Variants in LAMA2 observed in about 807,000 individuals in gnomAD.
LAMA2 encodes laminin subunit alpha 2.
LAMA2 carries 269 observed loss-of-function variants against 364.8 expected under a neutral mutation model. That is an observed-to-expected ratio of 0.74 (90% CI 0.67 to 0.82). The LOEUF is 0.82. Among genes scored for constraint, LAMA2 ranks in the 40% least tolerant of loss-of-function variants. The probability of loss-of-function intolerance (pLI) is 0.00; values close to 1 mark genes in which losing one functional copy is unlikely to be tolerated. For synonymous variants in LAMA2, 1,379 were observed against 1,370.6 expected (o/e 1.01, Z -0.14); for missense variants, 3,807 against 3,873.2 (o/e 0.98, Z 0.45).
intron 1 of LAMA2, among the ~76,000 whole-genome samples, chr6:128,987,752 C>A (rs555282280): frequency 1.3e-5 from 2 of 152,260 alleles, no homozygotes; most frequent in African/African-American, 4.8e-5. Context: ...TCACTTGTTT[C>A]ACCTTAGACA....
At chr6:128,918,152 G>T (rs909164487) in intron 1 of LAMA2, among the ~76,000 whole-genome samples, 1 of 152,136 alleles carries the variant, frequency 6.6e-6, no homozygotes, top group Non-Finnish European at 1.5e-5. Flanking sequence ...CTGTGTGTGA[G>T]TGAAAGATTT....
At chr6:129,284,072 TC>T (rs1788924848) in intron 18 of LAMA2, among the ~76,000 whole-genome samples, 1 of 152,168 alleles carries the variant, frequency 6.6e-6, no homozygotes, top group African/African-American at 2.4e-5. Context: ...GTTTACTTTT[TC>T]TGCATATGTC....
intron 18 of LAMA2, among the ~76,000 whole-genome samples, chr6:129,283,349 T>G (rs1788867469): frequency 6.6e-6 from 1 of 152,108 alleles, no homozygotes; most frequent in Admixed American, 6.6e-5. Flanking sequence ...GATACCTGCC[T>G]GATCGGACAC....
intron 1 of LAMA2, among the ~76,000 whole-genome samples, chr6:128,968,750 G>A (rs1334386328): frequency 1.3e-5 from 2 of 152,102 alleles, no homozygotes; most frequent in Non-Finnish European, 2.9e-5. Flanking sequence ...GGGCAGCCAG[G>A]GTAAGGGCAG....
intron 4 of LAMA2, among the ~76,000 whole-genome samples, chr6:129,142,442 T>G (rs1040542454): frequency 6.6e-6 from 1 of 151,336 alleles, no homozygotes; most frequent in African/African-American, 2.5e-5. Flanking sequence ...TCAGGAGGGC[T>G]CCACCCTCAG....
In LAMA2 at chr6:128,906,830, A is replaced by T. The variant is rs1431357605; in HGVS notation, c.112+23473A>T. Among the ~76,000 whole-genome samples the T allele has an allele frequency of 3.3e-5, 5 of 150,270 alleles. No homozygotes were observed. The East Asian group carries it at 8.0e-4, about 24-fold the overall frequency. ...TTTTTGTATAAGGTGTAAGGAAGGG[A>T]TCCAGTTTCAGCTTTCTACATATGG... On this transcript the variant is annotated intron_variant, in intron 1 of 64. Coordinates refer to ENST00000421865, the MANE Select transcript of LAMA2 (RefSeq NM_000426.4).
chr6:129,154,060 A>C (rs758464965), intron 7 of LAMA2, among the ~76,000 whole-genome samples: 36 of 152,204 alleles, frequency 2.4e-4, no homozygotes, highest in Non-Finnish European at 4.7e-4. Flanking sequence ...CCTCCAATAC[A>C]TCCAGATACT....
intron 51 of LAMA2, among the ~76,000 whole-genome samples, chr6:129,470,400 A>G (rs1172338237): frequency 7.2e-5 from 11 of 151,946 alleles, no homozygotes; most frequent in African/African-American, 2.4e-4. Context: ...GCATACATAC[A>G]TTTAAGTCAT....
chr6:129,370,082 C>T, intron 34 of LAMA2, 92 bp downstream of exon 34: 1 of 976,778 alleles, frequency 1.0e-6, no homozygotes, highest in Non-Finnish European at 1.6e-6. Flanking sequence ...AAATCACCTT[C>T]TTCCTAATTC....
At chr6:129,370,595 G>C (rs1358983336) in intron 34 of LAMA2, among the ~76,000 whole-genome samples, 2 of 152,190 alleles carry the variant, frequency 1.3e-5, no homozygotes, top group Admixed American at 1.3e-4. Context: ...CATAAAGCCC[G>C]CCATCTTGTG....
chr6:129,238,066 G>A (rs148343999), intron 12 of LAMA2, among the ~76,000 whole-genome samples: 1,652 of 150,696 alleles, frequency 0.011, 30 homozygotes, highest in African/African-American at 0.038. Context: ...TTGGGAGGCT[G>A]AGGCATGAGA....
At chr6:129,054,884 A>G (rs1171222409) in intron 2 of LAMA2, among the ~76,000 whole-genome samples, 5 of 150,722 alleles carry the variant, frequency 3.3e-5, no homozygotes, top group Admixed American at 3.3e-4. Context: ...TCTCCACTCA[A>G]TTATTTTTAT....
intron 45 of LAMA2, among the ~76,000 whole-genome samples, chr6:129,452,756 A>G (rs1376397113): frequency 9.2e-5 from 14 of 152,214 alleles, no homozygotes; most frequent in Non-Finnish European, 1.3e-4. Context: ...TAGTATGCTA[A>G]CAAGACATGG....
chr6:129,290,981 T>C (rs1258588927), intron 19 of LAMA2, among the ~76,000 whole-genome samples: 1 of 152,152 alleles, frequency 6.6e-6, no homozygotes, highest in African/African-American at 2.4e-5. Context: ...AAGGCATAAA[T>C]ATTTCACCTC....
At chr6:128,885,270 C>T (rs1776081919) in intron 1 of LAMA2, among the ~76,000 whole-genome samples, 1 of 152,064 alleles carries the variant, frequency 6.6e-6, no homozygotes, top group Non-Finnish European at 1.5e-5. Context: ...ATGTAAAATT[C>T]ATGAAACTTT....
At chr6:129,267,692 A>G (rs1466955446) in intron 16 of LAMA2, among the ~76,000 whole-genome samples, 1 of 152,144 alleles carries the variant, frequency 6.6e-6, no homozygotes, top group Non-Finnish European at 1.5e-5. Flanking sequence ...TAATTTAACT[A>G]AATGCATAGT....
chr6:129,432,391 C>A (rs1024608990), intron 41 of LAMA2, among the ~76,000 whole-genome samples: 1 of 152,144 alleles, frequency 6.6e-6, no homozygotes, highest in African/African-American at 2.4e-5. Flanking sequence ...CTTGTCATAT[C>A]CAACCCCACC....
At chr6:128,980,220 C>T (rs900587490) in intron 1 of LAMA2, among the ~76,000 whole-genome samples, 2 of 152,174 alleles carry the variant, frequency 1.3e-5, no homozygotes, top group African/African-American at 4.8e-5. Flanking sequence ...TGATTTTACT[C>T]TCTATATCAA....
chr6:129,394,987 T>C (rs746049305), intron 37 of LAMA2, among the ~76,000 whole-genome samples: 4 of 152,218 alleles, frequency 2.6e-5, no homozygotes, highest in Non-Finnish European at 5.9e-5. Context: ...TGAATCAATA[T>C]GAATAAGGCA....
Sources: gnomAD v4.1 joint callset for allele counts (sites outside exome capture counted in the v4.1 genomes callset) on GRCh38, gnomAD v4.1.1 for gene constraint, MANE v1.5 for transcripts, NCBI Gene and HGNC (gene_info 2026-07-23, HGNC 2026-07-21) for gene names.